CHMP1A: variants seen among roughly 807,000 people sequenced by gnomAD.
The protein encoded by CHMP1A is charged multivesicular body protein 1A, also known as VPS46 homolog A.
CHMP1A carries 17 observed loss-of-function variants against 27.0 expected under a neutral mutation model. The observed-to-expected ratio is 0.63, with a 90% CI of 0.43 to 0.95. The LOEUF is 0.95. Among genes scored for constraint, CHMP1A ranks in the 40% least tolerant of loss-of-function variants. CHMP1A has a pLI of 0.00. For missense variants in CHMP1A, 275 were observed against 264.0 expected, an observed-to-expected ratio of 1.04 and a Z score of -0.29; for synonymous variants, 131 against 107.5, an observed-to-expected ratio of 1.22 and a Z score of -1.35.
chr16:89,646,230 C>T, intron 6 of CHMP1A, 143 bp from the exon 7 acceptor site: 1 of 761,602 alleles, frequency 1.3e-6, no homozygotes. Flanking sequence ...CATGCCCTGT[C>T]CCACTCTTAC....
At chr16:89,654,665 G>A (rs887335810) in intron 1 of CHMP1A, among the ~76,000 whole-genome samples, 5 of 151,534 alleles carry the variant, frequency 3.3e-5, no homozygotes, top group African/African-American at 9.7e-5. Context: ...TTTTTTTGCC[G>A]GGTGCGGTGG....
Position 89,651,609 on chromosome 16 carries a change from G to A in CHMP1A, c.65C>T (p.Ala22Val), listed in dbSNP as rs748373933. 4.0e-5 allele frequency: 64 copies of A among 1,613,640 alleles called. No homozygotes were observed. The highest frequency in any genetic ancestry group is 3.3e-4 in the Middle Eastern group (2 of 6,058). Residue 22 changes from alanine (A) to valine (V), a missense_variant, in exon 3 of 7, where the codon GCG (alanine) becomes GTG (valine). By Grantham distance (64) the Ala-to-Val change is moderately conservative. Transcript: ENST00000397901. ...AKQLEKLAKK[A>V]EKDSKAEQAK... ...CTGCTCCGCCTTGGAGTCCTTCTCC[G>A]CCTTCTTGGCCAGCTTCTCCAGCTG...
chr16:89,649,428 C>T lies in CHMP1A; in HGVS notation c.175G>A (p.Gly59Ser), dbSNP rs374925673. The T allele has an allele frequency of 8.4e-5, 135 of 1,613,676 alleles. No individual in the cohort carries two copies. The highest frequency in any genetic ancestry group is 3.3e-4 in the Middle Eastern group (2 of 6,084). The change falls in exon 4 of 7, where the codon GGT (glycine) becomes AGT (serine). Residue 59 changes from glycine (G) to serine (S), a missense_variant. Physicochemically the swap from Gly to Ser is moderately conservative, Grantham distance 56. Transcript: ENST00000397901. ...AENAIRKKNE[G>S]VNWLRMASRV... ...GACGCCATCCGAAGCCAGTTCACAC[C>T]TTCGTTCTTCTTGCGGATGGCGTTC...
Position 89,657,627 on chromosome 16 carries a change from G to A in CHMP1A, c.-39C>T, listed in dbSNP as rs537288091. The A allele has an allele frequency of 2.2e-5, 36 of 1,609,490 alleles. No homozygotes were observed. The African/African-American group carries it at 3.0e-4, about 13-fold the overall frequency. On this transcript the variant is annotated 5_prime_UTR_variant, in exon 1 of 7. Transcript: ENST00000397901. ...GGAGCAGCACTCGGAGAGGGAGAAG[G>A]GACGCCAACTCCGGGCGGTGTCAGG...
Position 89,649,499 on chromosome 16 carries a change from T to C in CHMP1A, c.106-2A>G, listed in dbSNP as rs762225067. On this transcript the variant is annotated splice_acceptor_variant, in intron 3 of 6. Coordinates refer to ENST00000397901, the MANE Select transcript of CHMP1A (RefSeq NM_002768.5). LOFTEE classifies it high-confidence loss of function. ...CTCTACATTTTTCTGCAGAAGGGCC[T>C]GAAACCCGCGGGGGAAAGCAGCTGG... The C allele has an allele frequency of 6.2e-7, 1 of 1,613,598 alleles. No individual in the cohort carries two copies.
chr16:89,657,452 G>C, intron 1 of CHMP1A, 130 bp downstream of exon 1: 1 of 1,163,858 alleles, frequency 8.6e-7, no homozygotes. Context: ...TGGGGTCCCG[G>C]GGGATCGACG....
At chr16:89,651,543 T>C (rs2059823829) in intron 3 of CHMP1A, 26 bp downstream of exon 3, 2 of 1,609,992 alleles carry the variant, frequency 1.2e-6, no homozygotes, top group African/African-American at 1.3e-5. Flanking sequence ...AGGAGAGTCA[T>C]GACCCCACAG....
intron 3 of CHMP1A, among the ~76,000 whole-genome samples, chr16:89,651,364 C>T (rs940732475): frequency 1.4e-5 from 2 of 144,414 alleles, no homozygotes; most frequent in Non-Finnish European, 3.0e-5. Flanking sequence ...GAGCAAGACT[C>T]CGTCTCAAAA....
intron 3 of CHMP1A, 74 bp from the exon 4 acceptor site, chr16:89,649,571 T>C: frequency 6.6e-7 from 1 of 1,506,572 alleles, no homozygotes; most frequent in Non-Finnish European, 9.0e-7. Context: ...CCAGTTTTTG[T>C]TTTGTTTTGT....
At chr16:89,654,691 CCAG>C (rs2059850763) in intron 1 of CHMP1A, among the ~76,000 whole-genome samples, 1 of 151,902 alleles carries the variant, frequency 6.6e-6, no homozygotes, top group Non-Finnish European at 1.5e-5. Context: ...GCCTGTAATC[CCAG>C]CACTTTGGGA....
At chr16:89,654,925 AG>A (rs2059852972) in intron 1 of CHMP1A, among the ~76,000 whole-genome samples, 1 of 149,826 alleles carries the variant, frequency 6.7e-6, no homozygotes, top group African/African-American at 2.5e-5. Flanking sequence ...CCTGGGCAAC[AG>A]TGCAAGACTC....
At chr16:89,654,255 G>C (rs2059847029) in intron 1 of CHMP1A, among the ~76,000 whole-genome samples, 1 of 152,248 alleles carries the variant, frequency 6.6e-6, no homozygotes, top group Admixed American at 6.5e-5. Context: ...TTTGGCCATG[G>C]TTAGAATCCA....
intron 4 of CHMP1A, among the ~76,000 whole-genome samples, chr16:89,648,700 G>A (rs1040638307): frequency 1.6e-4 from 21 of 128,462 alleles, no homozygotes; most frequent in Admixed American, 4.4e-4. Context: ...AGACCAGAGC[G>A]GCCAACATAG....
chr16:89,653,877 T>C, intron 2 of CHMP1A, 27 bp downstream of exon 2: 2 of 1,611,302 alleles, frequency 1.2e-6, no homozygotes, highest in Non-Finnish European at 1.7e-6. Context: ...AGAACAGGGC[T>C]GGGGTGAACG....
At chr16:89,654,009 A>G in intron 1 of CHMP1A, 86 bp from the exon 2 acceptor site, 7 of 1,377,586 alleles carry the variant, frequency 5.1e-6, no homozygotes, top group Non-Finnish European at 7.2e-6. Context: ...GGTTCCTTCT[A>G]GACACCAGGA....
Position 89,645,767 on chromosome 16 carries a change from C to T in CHMP1A, c.*299G>A. On this transcript the variant is annotated 3_prime_UTR_variant, in exon 7 of 7. Transcript: ENST00000397901. ...TGTCTGCTGCCCCAGAGTCTGAAGG[C>T]CCCCACAGTGCTGGGTGAAAGTCCA... is the stretch of plus-strand genomic sequence containing the variant. 2 of 684,258 alleles carry T rather than the reference C, an allele frequency of 2.9e-6. No homozygotes were observed. Among genetic ancestry groups the T allele is most frequent in the Non-Finnish European group, 4.5e-6 (2 of 442,850 alleles). 42.4% of individuals were successfully genotyped at this position (684,258 alleles called of 1,614,324 possible). A position where few individuals can be genotyped will look rare whatever the true frequency, so the allele number is the denominator to read the frequency against.
At chr16:89,649,279 T>G in intron 4 of CHMP1A, 72 bp downstream of exon 4, 1 of 1,532,828 alleles carries the variant, frequency 6.5e-7, no homozygotes. Context: ...CTGCCCCAGA[T>G]CCAGACCGCA....
In CHMP1A at chr16:89,645,477, A is replaced by C. The variant is rs938018127; in HGVS notation, c.*589T>G. 1.8e-5 allele frequency: 3 copies of C among 167,676 alleles called. No individual in the cohort carries two copies. Among genetic ancestry groups the C allele is most frequent in the Admixed American group, 1.1e-4 (2 of 17,792 alleles). 10.4% of individuals were successfully genotyped at this position (167,676 alleles called of 1,614,324 possible). A position where few individuals can be genotyped will look rare whatever the true frequency, so the allele number is the denominator to read the frequency against. ...ACTGAGGGAAGTGAGGGAGCGCAGG[A>C]GGCCAGGGGGCTCAGCCAGCTGGTA... On this transcript the variant is annotated 3_prime_UTR_variant, in exon 7 of 7. Coordinates refer to ENST00000397901, the MANE Select transcript of CHMP1A (RefSeq NM_002768.5).
rs1389820809 is a variant in CHMP1A at position 89,645,844 on chromosome 16, C to T, written c.*222G>A. 7.5e-6 allele frequency: 11 copies of T among 1,463,930 alleles called. No individual in the cohort carries two copies. Among genetic ancestry groups the T allele is most frequent in the Admixed American group, 4.5e-5 (2 of 44,258 alleles). 90.7% of individuals were successfully genotyped at this position (1,463,930 alleles called of 1,614,324 possible). On this transcript the variant is annotated 3_prime_UTR_variant, in exon 7 of 7. Coordinates refer to ENST00000397901, the MANE Select transcript of CHMP1A (RefSeq NM_002768.5). ...TGGGCCCAGAGTCACAGAAATCACC[C>T]CCAGAAATTTGCAGAAACTCAACAC...
Sources: gnomAD v4.1 joint callset for allele counts (sites outside exome capture counted in the v4.1 genomes callset) on GRCh38, gnomAD v4.1.1 for gene constraint, MANE v1.5 for transcripts, NCBI Gene and HGNC (gene_info 2026-07-23, HGNC 2026-07-21) for gene names.